Variants in MICU3 observed in about 807,000 individuals in gnomAD.
The protein encoded by MICU3 is mitochondrial calcium uptake 3.
A neutral mutation model predicts 66.5 loss-of-function variants in MICU3; 62 were observed. That is an observed-to-expected ratio of 0.93 (90% CI 0.76 to 1.15). The LOEUF (loss-of-function observed/expected upper bound fraction) is 1.15. Ranked by LOEUF, MICU3 falls within the 50% of genes most tolerant of loss-of-function variation. The pLI is 0.00. For synonymous variants in MICU3, 308 were observed against 240.7 expected (o/e 1.28, Z -2.59); for missense variants, 779 against 664.4 (o/e 1.17, Z -1.90).
chr8:17,101,719 C>G (rs1801271971), intron 9 of MICU3, among the ~76,000 whole-genome samples: 1 of 151,790 alleles, frequency 6.6e-6, no homozygotes, highest in African/African-American at 2.4e-5. Flanking sequence ...TTTTGGTGTT[C>G]CTGTAACCAC....
chr8:17,046,138 G>C (rs550775875), intron 1 of MICU3, among the ~76,000 whole-genome samples: 1 of 152,334 alleles, frequency 6.6e-6, no homozygotes, highest in South Asian at 2.1e-4. Context: ...GTGAACCCCA[G>C]CTTGAAGCTA....
intron 1 of MICU3, among the ~76,000 whole-genome samples, chr8:17,055,758 G>A (rs934002559): frequency 1.4e-4 from 22 of 152,176 alleles, no homozygotes; most frequent in Admixed American, 9.8e-4. Flanking sequence ...GTCCTAGTAC[G>A]TTCTCTTGGG....
chr8:17,068,848 A>G (rs1204355043), intron 2 of MICU3, among the ~76,000 whole-genome samples: 1 of 152,168 alleles, frequency 6.6e-6, no homozygotes, highest in Non-Finnish European at 1.5e-5. Context: ...CATTATTGTA[A>G]TGTAGCTGAA....
At chr8:17,069,767 C>A in intron 3 of MICU3, 48 bp downstream of exon 3, 2 of 584,696 alleles carry the variant, frequency 3.4e-6, no homozygotes, top group Non-Finnish European at 5.5e-6. Context: ...TATGTGCATG[C>A]ATATATACAT....
chr8:17,069,733 CT>C lies in MICU3; in HGVS notation c.567+16del. ...CTTTCCAAACAGGTGAGTTAAAGCT[CT>C]TGGTAGATATACACAAATTTTATAT... On this transcript the variant is annotated intron_variant, in intron 3 of 14. Coordinates refer to ENST00000318063, the MANE Select transcript of MICU3 (RefSeq NM_181723.3). 1.3e-6 allele frequency: 2 copies of C among 1,492,316 alleles called. No individual in the cohort carries two copies. The highest frequency in any genetic ancestry group is 1.8e-6 in the Non-Finnish European group (2 of 1,105,862). The allele number at this position is 1,492,316 out of a possible 1,614,324, so 92.4% of individuals were successfully genotyped here.
intron 1 of MICU3, among the ~76,000 whole-genome samples, chr8:17,038,756 A>C (rs1813499183): frequency 6.6e-6 from 1 of 152,110 alleles, no homozygotes; most frequent in South Asian, 2.1e-4. Flanking sequence ...GATTGATACC[A>C]TCCTGGCTAA....
At chr8:17,092,052 A>G (rs865953525) in intron 8 of MICU3, among the ~76,000 whole-genome samples, 1 of 151,844 alleles carries the variant, frequency 6.6e-6, no homozygotes, top group Non-Finnish European at 1.5e-5. Flanking sequence ...TAATTTTTGT[A>G]TTTTTAGTAG....
the MICU3 span, among the ~76,000 whole-genome samples, chr8:17,130,543 T>C: frequency 1.3e-5 from 2 of 151,830 alleles, no homozygotes; most frequent in South Asian, 4.2e-4. Context: ...AAAAAGGCAA[T>C]TGACTCTTTA....
At chr8:17,037,430 A>G (rs943294092) in intron 1 of MICU3, among the ~76,000 whole-genome samples, 4 of 152,200 alleles carry the variant, frequency 2.6e-5, no homozygotes, top group African/African-American at 7.2e-5. Context: ...TGTCCCAGCC[A>G]TGGCCAAAAT....
intron 1 of MICU3, among the ~76,000 whole-genome samples, chr8:17,034,910 G>A (rs188504430): frequency 1.3e-5 from 2 of 152,334 alleles, no homozygotes; most frequent in Non-Finnish European, 2.9e-5. Context: ...CAGTGGCAAG[G>A]TGATATAGTT....
chr8:17,096,508 G>C (rs1299646433), intron 8 of MICU3, among the ~76,000 whole-genome samples: 3 of 151,790 alleles, frequency 2.0e-5, no homozygotes, highest in Admixed American at 2.0e-4. Flanking sequence ...GAGTGTGCCA[G>C]GCATATCACT....
intron 1 of MICU3, among the ~76,000 whole-genome samples, 187 bp downstream of exon 1, chr8:17,027,847 G>C (rs965996216): frequency 6.6e-6 from 1 of 152,196 alleles, no homozygotes; most frequent in African/African-American, 2.4e-5. Flanking sequence ...GAAGACCAGT[G>C]ATGCTGTCCC....
At position 17,116,371 on chromosome 8, in the gene MICU3, A is replaced by G. The variant is rs183822782; in HGVS notation, c.1367-72A>G. 22 of 1,022,026 alleles carry G rather than the reference A, an allele frequency of 2.2e-5. No individual in the cohort carries two copies. The East Asian group carries it at 6.3e-4, about 29-fold the overall frequency. 63.3% of individuals were successfully genotyped at this position (1,022,026 alleles called of 1,614,324 possible). A position where few individuals can be genotyped will look rare whatever the true frequency, so the allele number is the denominator to read the frequency against. On this transcript the variant is annotated intron_variant, in intron 12 of 14. Coordinates refer to ENST00000318063, the MANE Select transcript of MICU3 (RefSeq NM_181723.3). ...CATTTAGAAAACAACTTCTTTTACA[A>G]CCTTTCTAGTAATTAACACATATTA...
intron 11 of MICU3, among the ~76,000 whole-genome samples, chr8:17,112,429 C>T (rs780255493): frequency 2.0e-5 from 3 of 152,166 alleles, no homozygotes; most frequent in Admixed American, 6.5e-5. Context: ...GAAATGGCCA[C>T]ACCCCTTTTG....
intron 11 of MICU3, among the ~76,000 whole-genome samples, chr8:17,113,225 C>CTTG (rs1253569338): frequency 2.0e-5 from 3 of 152,192 alleles, no homozygotes; most frequent in Non-Finnish European, 4.4e-5. Context: ...TCCTCTCACC[C>CTTG]TTGTATTAAG....
At chr8:17,030,410 C>T (rs1230926910) in intron 1 of MICU3, among the ~76,000 whole-genome samples, 4 of 152,148 alleles carry the variant, frequency 2.6e-5, no homozygotes, top group Non-Finnish European at 5.9e-5. Flanking sequence ...CAGTATTTTA[C>T]AGCTCTTTTT....
At chr8:17,136,320 AT>A in the MICU3 span, among the ~76,000 whole-genome samples, 1 of 152,082 alleles carries the variant, frequency 6.6e-6, no homozygotes, top group African/African-American at 2.4e-5. Flanking sequence ...ATTTTTCATT[AT>A]TTTATTGTAA....
intron 12 of MICU3, 93 bp downstream of exon 12, chr8:17,114,294 C>G (rs1802485386): frequency 2.8e-6 from 2 of 722,216 alleles, no homozygotes; most frequent in Non-Finnish European, 4.6e-6. Flanking sequence ...TGACATATCA[C>G]CCATCAACTT....
At chr8:17,092,777 AG>A (rs1720555243) in intron 8 of MICU3, among the ~76,000 whole-genome samples, 1 of 152,094 alleles carries the variant, frequency 6.6e-6, no homozygotes, top group African/African-American at 2.4e-5. Flanking sequence ...CATTGATACA[AG>A]TATTATACAA....
Sources: allele counts gnomAD v4.1 joint callset (sites outside exome capture counted in the v4.1 genomes callset), GRCh38; gene constraint gnomAD v4.1.1; transcripts MANE v1.5; gene names NCBI Gene and HGNC (gene_info 2026-07-23, HGNC 2026-07-21).